NELL1: variants seen among roughly 807,000 people sequenced by gnomAD.
The protein encoded by NELL1 is neural EGFL like 1.
NELL1 carries 76 observed loss-of-function variants against 107.4 expected under a neutral mutation model. The observed-to-expected ratio is 0.71, with a 90% CI of 0.59 to 0.86. The LOEUF is 0.86. Among genes scored for constraint, NELL1 ranks in the 40% least tolerant of loss-of-function variants. The pLI is 0.00. For synonymous variants in NELL1, 353 were observed against 341.2 expected, an observed-to-expected ratio of 1.03 and a Z score of -0.38; for missense variants, 1,024 against 1,005.5, an observed-to-expected ratio of 1.02 and a Z score of -0.25.
intron 14 of NELL1, among the ~76,000 whole-genome samples, chr11:21,304,526 C>G (rs549731983): frequency 2.0e-5 from 3 of 151,564 alleles, no homozygotes; most frequent in African/African-American, 7.2e-5. Context: ...TAGGGCTGAA[C>G]CAACTAATAT....
intron 12 of NELL1, among the ~76,000 whole-genome samples, chr11:21,024,496 G>T (rs1172919435): frequency 2.6e-5 from 4 of 152,038 alleles, no homozygotes; most frequent in Non-Finnish European, 4.4e-5. Flanking sequence ...AAAATTTATT[G>T]TTCAAACTTC....
chr11:21,338,231 A>G (rs1850481155), intron 14 of NELL1, among the ~76,000 whole-genome samples: 1 of 152,202 alleles, frequency 6.6e-6, no homozygotes, highest in Non-Finnish European at 1.5e-5. Context: ...ATATTGTTCT[A>G]CACTCAACAG....
At chr11:21,185,592 GC>G (rs1856919046) in intron 13 of NELL1, among the ~76,000 whole-genome samples, 1 of 151,734 alleles carries the variant, frequency 6.6e-6, no homozygotes, top group South Asian at 2.1e-4. Context: ...ACTGCACCTG[GC>G]CCTATCGTTT....
intron 13 of NELL1, among the ~76,000 whole-genome samples, chr11:21,228,404 G>C (rs575813646): frequency 6.6e-6 from 1 of 152,158 alleles, no homozygotes; most frequent in Non-Finnish European, 1.5e-5. Flanking sequence ...AGGCAGATAC[G>C]CAGAGGTTAG....
At chr11:20,819,136 T>C (rs1450592213) in intron 3 of NELL1, among the ~76,000 whole-genome samples, 1 of 152,214 alleles carries the variant, frequency 6.6e-6, no homozygotes, top group African/African-American at 2.4e-5. Context: ...ACTTTTATCA[T>C]GCAGTGCTTT....
At chr11:21,170,164 T>C in intron 13 of NELL1, 1 of 632,800 alleles carries the variant, frequency 1.6e-6, no homozygotes, top group Non-Finnish European at 2.9e-6. Context: ...GACTGGGATG[T>C]GATCTAAGCA....
intron 15 of NELL1, among the ~76,000 whole-genome samples, chr11:21,417,211 C>G (rs1590916490): frequency 6.6e-6 from 1 of 152,044 alleles, no homozygotes; most frequent in Non-Finnish European, 1.5e-5. Flanking sequence ...CTCTTCTCCT[C>G]TCCCTTTTAT....
intron 11 of NELL1, among the ~76,000 whole-genome samples, chr11:20,956,662 A>G (rs568278691): frequency 6.6e-6 from 1 of 151,848 alleles, no homozygotes; most frequent in Non-Finnish European, 1.5e-5. Flanking sequence ...AAAAAAAAAA[A>G]ATTACTAATC....
chr11:21,362,214 C>G (rs1355164733), intron 14 of NELL1, among the ~76,000 whole-genome samples: 1 of 152,174 alleles, frequency 6.6e-6, no homozygotes, highest in Non-Finnish European at 1.5e-5. Flanking sequence ...TCCCACTTTC[C>G]CCAGAGATGG....
At chr11:20,783,283 C>T (rs1856886515) in intron 2 of NELL1, among the ~76,000 whole-genome samples, 1 of 152,202 alleles carries the variant, frequency 6.6e-6, no homozygotes, top group Non-Finnish European at 1.5e-5. Flanking sequence ...ATTTATCCGA[C>T]TACCTCTCAC....
chr11:20,711,659 A>T lies in NELL1; in HGVS notation c.184+33599A>T, dbSNP rs139897253. Among the ~76,000 whole-genome samples, 19 of 152,224 alleles carry T rather than the reference A, an allele frequency of 1.2e-4. No homozygotes were observed. The East Asian group carries it at 3.7e-3, about 29-fold the overall frequency. On this transcript the variant is annotated intron_variant, in intron 2 of 19. Coordinates refer to ENST00000357134, the MANE Select transcript of NELL1 (RefSeq NM_006157.5). ...CATTTATGAAGCTTAGTTTTGCTGG[A>T]AAATTCTTGGCTGATAATTATTTTT...
intron 15 of NELL1, among the ~76,000 whole-genome samples, chr11:21,470,315 T>C (rs1246041768): frequency 6.6e-6 from 1 of 152,100 alleles, no homozygotes; most frequent in Admixed American, 6.6e-5. Context: ...CAAAGTCTGA[T>C]ATCCTTAGTG....
chr11:21,445,723 G>A (rs910456500), intron 15 of NELL1, among the ~76,000 whole-genome samples: 8 of 152,284 alleles, frequency 5.3e-5, no homozygotes, highest in Admixed American at 3.3e-4. Context: ...AGCATTTCTT[G>A]TAGGACAGGT....
intron 2 of NELL1, among the ~76,000 whole-genome samples, chr11:20,682,690 C>G (rs1007212670): frequency 3.3e-5 from 5 of 151,938 alleles, no homozygotes; most frequent in Non-Finnish European, 7.4e-5. Flanking sequence ...GAAAAATGAA[C>G]ATAGTTATCA....
chr11:21,478,868 A>T (rs1316452606), intron 15 of NELL1, among the ~76,000 whole-genome samples: 1 of 151,206 alleles, frequency 6.6e-6, no homozygotes, highest in Non-Finnish European at 1.5e-5. Context: ...AATCTGATTT[A>T]AAAATGGCCA....
chr11:21,034,584 A>C (rs959060450), intron 12 of NELL1, among the ~76,000 whole-genome samples: 1 of 152,222 alleles, frequency 6.6e-6, no homozygotes, highest in South Asian at 2.1e-4. Context: ...AGAAATCAAT[A>C]CTATGAAATT....
chr11:20,964,550 T>C (rs1040973191), intron 12 of NELL1, among the ~76,000 whole-genome samples: 6 of 152,194 alleles, frequency 3.9e-5, no homozygotes, highest in Non-Finnish European at 7.3e-5. Context: ...AACTCCATTT[T>C]ATGAGTACAG....
At chr11:21,448,889 T>C (rs187294340) in intron 15 of NELL1, among the ~76,000 whole-genome samples, 104 of 152,358 alleles carry the variant, frequency 6.8e-4, no homozygotes, top group African/African-American at 1.9e-3. Context: ...CTTCTATCGA[T>C]AGCTTATTAC....
At chr11:20,766,588 AACTTCC>A (rs1047546238) in intron 2 of NELL1, among the ~76,000 whole-genome samples, 21 of 152,186 alleles carry the variant, frequency 1.4e-4, no homozygotes, top group African/African-American at 5.1e-4. Flanking sequence ...TTGAGAGAGC[AACTTCC>A]TGGGGTCCTG....
Sources: allele counts gnomAD v4.1 joint callset (sites outside exome capture counted in the v4.1 genomes callset), GRCh38; gene constraint gnomAD v4.1.1; transcripts MANE v1.5; gene names NCBI Gene and HGNC (gene_info 2026-07-23, HGNC 2026-07-21).